ZNF608: variants seen among roughly 807,000 people sequenced by gnomAD.
The protein encoded by ZNF608 is renal carcinoma antigen NY-REN-36.
Under a neutral mutation model 109.0 loss-of-function variants are expected in ZNF608, and 12 were observed. That is an observed-to-expected ratio of 0.11 (90% CI 0.07 to 0.18). The LOEUF is 0.18. Ranked by LOEUF, ZNF608 falls within the 10% of genes least tolerant of loss-of-function variation. The pLI, the probability that ZNF608 is intolerant of heterozygous loss-of-function variation, is 1.00. For missense variants in ZNF608, 1,707 were observed against 1,879.3 expected (o/e 0.91, Z 1.70); for synonymous variants, 732 against 717.4 (o/e 1.02, Z -0.33).
At chr5:124,709,858 C>T (rs1258902979) in intron 2 of ZNF608, among the ~76,000 whole-genome samples, 1 of 152,196 alleles carries the variant, frequency 6.6e-6, no homozygotes, top group Non-Finnish European at 1.5e-5. Context: ...AGCCTGTGTT[C>T]TTGGATTAAT....
At chr5:124,644,144 A>C in intron 6 of ZNF608, 100 bp downstream of exon 6, 1 of 1,112,216 alleles carries the variant, frequency 9.0e-7, no homozygotes, top group Admixed American at 2.8e-5. Context: ...AAGGAAAACA[A>C]ATGTCACTCT....
chr5:124,639,087 A>C, intron 9 of ZNF608, 46 bp downstream of exon 9: 5 of 1,572,364 alleles, frequency 3.2e-6, no homozygotes, highest in Non-Finnish European at 4.4e-6. Flanking sequence ...CCCAACCATT[A>C]AGATATTTCT....
rs533345515 is a variant in ZNF608, at chr5:124,644,437, C to T, written c.3930G>A (p.Lys1310=). ...HPDSQSMEES[K]LKNDDRKTPV... ...GAGTCTTTCGATCATCATTTTTCAG[C>T]TTGCTCTCCTCCATTGATTGAGAAT... Residue 1310 remains lysine, a synonymous_variant, in exon 6 of 10, where the codon AAG becomes AAA. Transcript: ENST00000513986. The T allele has an allele frequency of 6.2e-7, 1 of 1,614,150 alleles. No homozygotes were observed. Among genetic ancestry groups the T allele is most frequent in the Admixed American group, 1.7e-5 (1 of 60,020 alleles).
chr5:124,665,487 T>G (rs1161210179), intron 3 of ZNF608, among the ~76,000 whole-genome samples: 1 of 152,198 alleles, frequency 6.6e-6, no homozygotes, highest in Non-Finnish European at 1.5e-5. Context: ...AAGGTGAAAA[T>G]TGTTCATCAG....
At chr5:124,728,249 C>A (rs1301807708) in intron 2 of ZNF608, among the ~76,000 whole-genome samples, 1 of 152,152 alleles carries the variant, frequency 6.6e-6, no homozygotes. Context: ...ATCTTAAAAT[C>A]ACCTTAAGGG....
In ZNF608 at chr5:124,657,433, G is replaced by A. The variant is rs530417932; in HGVS notation, c.1163-7736C>T. Among the ~76,000 whole-genome samples the A allele has an allele frequency of 2.6e-4, 40 of 152,140 alleles. 1 individual carries two copies. In the South Asian group the frequency reaches 7.5e-3, roughly 28 times the overall value. On this transcript the variant is annotated intron_variant, in intron 3 of 9. Transcript: ENST00000513986. ...TCCCTGCACTTTGGGAGGCCGAGGC[G>A]GGTGGCTCACGAGGTCAGGAGATCG...
chr5:124,700,479 T>C (rs1375019921), intron 3 of ZNF608, among the ~76,000 whole-genome samples: 1 of 152,222 alleles, frequency 6.6e-6, no homozygotes, highest in Non-Finnish European at 1.5e-5. Context: ...TCTCTGGCCA[T>C]AGAAGAGAAG....
At chr5:124,740,451 C>T (rs1275985337) in intron 2 of ZNF608, among the ~76,000 whole-genome samples, 1 of 150,454 alleles carries the variant, frequency 6.6e-6, no homozygotes, top group Non-Finnish European at 1.5e-5. Context: ...CCCCTCTGCC[C>T]TTTTATTTCA....
chr5:124,686,860 C>T (rs952258499), intron 3 of ZNF608, among the ~76,000 whole-genome samples: 4 of 152,144 alleles, frequency 2.6e-5, no homozygotes, highest in Non-Finnish European at 5.9e-5. Context: ...CAAAACTGCC[C>T]ACTGGGCCAG....
intron 2 of ZNF608, among the ~76,000 whole-genome samples, chr5:124,725,534 T>A (rs1000719590): frequency 2.0e-5 from 3 of 152,142 alleles, no homozygotes; most frequent in African/African-American, 7.2e-5. Flanking sequence ...TTATTTTTGC[T>A]GTCAGAACAC....
At chr5:124,679,521 G>A (rs1752104045) in intron 3 of ZNF608, among the ~76,000 whole-genome samples, 1 of 151,270 alleles carries the variant, frequency 6.6e-6, no homozygotes. Context: ...TGGGCACCGG[G>A]GCTACATACA....
At chr5:124,746,024 T>G in intron 1 of ZNF608, 171 bp downstream of exon 1, 1 of 564,940 alleles carries the variant, frequency 1.8e-6, no homozygotes, top group South Asian at 7.7e-5. Flanking sequence ...AGACATACAC[T>G]TTAAGTGATC....
At chr5:124,746,144 AT>A in intron 1 of ZNF608, 50 bp downstream of exon 1, 1 of 985,360 alleles carries the variant, frequency 1.0e-6, no homozygotes, top group Non-Finnish European at 1.2e-6. Flanking sequence ...CAAGAAAAAA[AT>A]AAATAAATAT....
chr5:124,665,120 GAGATGA>G (rs1751423383), intron 3 of ZNF608, among the ~76,000 whole-genome samples: 2 of 151,746 alleles, frequency 1.3e-5, no homozygotes, highest in South Asian at 4.2e-4. Context: ...AGGTTGCAGT[GAGATGA>G]GATTGTGCCA....
chr5:124,673,367 T>C (rs1049372415), intron 3 of ZNF608, among the ~76,000 whole-genome samples: 1 of 152,210 alleles, frequency 6.6e-6, no homozygotes, highest in African/African-American at 2.4e-5. Context: ...TATTATGCAA[T>C]TGGTTAACTA....
chr5:124,688,622 G>C (rs1299744567), intron 3 of ZNF608, among the ~76,000 whole-genome samples: 2 of 152,160 alleles, frequency 1.3e-5, no homozygotes, highest in Admixed American at 1.3e-4. Flanking sequence ...CAGCAATTCA[G>C]TTTCCTGAAA....
intron 2 of ZNF608, among the ~76,000 whole-genome samples, chr5:124,712,685 G>T (rs946743301): frequency 2.6e-5 from 4 of 152,128 alleles, no homozygotes; most frequent in Admixed American, 1.3e-4. Context: ...CTGTGGAGTT[G>T]GCCCAGGGTC....
intron 3 of ZNF608, among the ~76,000 whole-genome samples, chr5:124,699,225 A>T (rs530640575): frequency 6.6e-6 from 1 of 152,160 alleles, no homozygotes; most frequent in Non-Finnish European, 1.5e-5. Flanking sequence ...CTTATCCACC[A>T]TTTCCCTTAG....
chr5:124,704,495 G>A (rs1490777533), intron 2 of ZNF608, among the ~76,000 whole-genome samples: 1 of 152,134 alleles, frequency 6.6e-6, no homozygotes, highest in Non-Finnish European at 1.5e-5. Context: ...CTTAGAGGTC[G>A]CCAGCAAGAA....
Sources: allele counts gnomAD v4.1 joint callset (sites outside exome capture counted in the v4.1 genomes callset), GRCh38; gene constraint gnomAD v4.1.1; transcripts MANE v1.5; gene names NCBI Gene and HGNC (gene_info 2026-07-23, HGNC 2026-07-21).